Variants in PRKAG2 observed in about 807,000 individuals in gnomAD.
PRKAG2 encodes the protein 5'-AMP-activated protein kinase subunit gamma-2.
A neutral mutation model predicts 69.6 loss-of-function variants in PRKAG2; 26 were observed. The observed-to-expected ratio is 0.37, with a 90% CI of 0.27 to 0.52. The LOEUF (loss-of-function observed/expected upper bound fraction) is 0.52, where lower values mean the gene tolerates loss of function less well. PRKAG2 is among the 20% of genes least tolerant of loss of function. The pLI is 0.90. For missense variants in PRKAG2, 557 were observed against 740.0 expected, an observed-to-expected ratio of 0.75 and a Z score of 2.87; for synonymous variants, 293 against 285.0, an observed-to-expected ratio of 1.03 and a Z score of -0.28.
intron 15 of PRKAG2, chr7:151,559,492 T>C: frequency 1.0e-6 from 1 of 982,876 alleles, no homozygotes; most frequent in Non-Finnish European, 1.2e-6. Flanking sequence ...TTTCATTTTC[T>C]AGTAAATTCC....
chr7:151,562,954 C>CAAA (rs35394134), intron 14 of PRKAG2, among the ~76,000 whole-genome samples: 1 of 113,348 alleles, frequency 8.8e-6, no homozygotes. Context: ...GACTCCGTCT[C>CAAA]AAAAAAAAAA....
At chr7:151,817,763 T>C (rs1011066997) in intron 1 of PRKAG2, among the ~76,000 whole-genome samples, 4 of 152,180 alleles carry the variant, frequency 2.6e-5, no homozygotes, top group Non-Finnish European at 1.5e-5. Flanking sequence ...GATAAGGAAA[T>C]TGAGGCCCAG....
chr7:151,590,519 T>C (rs935982631), intron 6 of PRKAG2, among the ~76,000 whole-genome samples: 2 of 152,168 alleles, frequency 1.3e-5, no homozygotes, highest in Non-Finnish European at 2.9e-5. Flanking sequence ...CGGGAGTTCC[T>C]CCGAGCCTCC....
intron 3 of PRKAG2, among the ~76,000 whole-genome samples, chr7:151,767,365 G>C (rs935794668): frequency 2.6e-5 from 4 of 152,194 alleles, no homozygotes; most frequent in Admixed American, 6.5e-5. Context: ...ATCTCAGCTT[G>C]CTGCAATCTC....
chr7:151,721,406 G>GGGGCCAGGGCCA (rs1797088480), intron 3 of PRKAG2, among the ~76,000 whole-genome samples: 1 of 150,994 alleles, frequency 6.6e-6, no homozygotes, highest in African/African-American at 2.4e-5. Context: ...GGCCAGGGCC[G>GGGGCCAGGGCCA]GGGCCGAGGC....
At chr7:151,853,755 G>C (rs1359749968) in intron 1 of PRKAG2, among the ~76,000 whole-genome samples, 1 of 73,470 alleles carries the variant, frequency 1.4e-5, no homozygotes, top group Non-Finnish European at 2.6e-5. Context: ...GTGAGACTCC[G>C]TCTCAAAAAA....
chr7:151,825,726 CT>C (rs1202589483), intron 1 of PRKAG2, among the ~76,000 whole-genome samples: 17 of 152,212 alleles, frequency 1.1e-4, no homozygotes, highest in South Asian at 8.3e-4. Context: ...GTCCCATCCC[CT>C]GAGCTGGACA....
chr7:151,575,211 C>T (rs1268545289), intron 7 of PRKAG2, among the ~76,000 whole-genome samples: 1 of 152,086 alleles, frequency 6.6e-6, no homozygotes, highest in African/African-American at 2.4e-5. Context: ...TGAGAGAAAA[C>T]TCATTAATTG....
chr7:151,702,779 CAA>C (rs1418030655), intron 3 of PRKAG2, among the ~76,000 whole-genome samples: 2 of 152,178 alleles, frequency 1.3e-5, no homozygotes, highest in African/African-American at 2.4e-5. Context: ...CCTAGGATAG[CAA>C]AGTTTTGGTT....
chr7:151,670,707 T>C (rs1831878031), intron 4 of PRKAG2, among the ~76,000 whole-genome samples: 1 of 152,230 alleles, frequency 6.6e-6, no homozygotes, highest in Non-Finnish European at 1.5e-5. Context: ...AGATATTCAC[T>C]GACACCTTCC....
intron 3 of PRKAG2, among the ~76,000 whole-genome samples, chr7:151,694,334 T>C (rs1301005417): frequency 6.6e-6 from 1 of 152,234 alleles, no homozygotes; most frequent in Non-Finnish European, 1.5e-5. Context: ...AAATTGACCA[T>C]CTTCAAGCGC....
chr7:151,641,699 C>A (rs1393567429), intron 4 of PRKAG2, among the ~76,000 whole-genome samples: 1 of 151,442 alleles, frequency 6.6e-6, no homozygotes, highest in Non-Finnish European at 1.5e-5. Context: ...CACGTGCCAC[C>A]ATACCTGGCT....
intron 5 of PRKAG2, among the ~76,000 whole-genome samples, chr7:151,610,474 T>C (rs1468659989): frequency 6.6e-6 from 1 of 151,878 alleles, no homozygotes; most frequent in Non-Finnish European, 1.5e-5. Flanking sequence ...GTCAAAAGAT[T>C]GAGACCATCC....
In PRKAG2 at chr7:151,669,721, A is replaced by G. The variant is rs1159141213; in HGVS notation, c.684+5699T>C. ...GCCACAGGCGCCTTATTGGACTACC[A>G]CCACCTACACACACACCTGTGCACA... is the stretch of plus-strand genomic sequence containing the variant. On this transcript the variant is annotated intron_variant, in intron 4 of 15. Coordinates refer to ENST00000287878, the MANE Select transcript of PRKAG2 (RefSeq NM_016203.4). Among the ~76,000 whole-genome samples, 5 of 140,124 alleles carry G rather than the reference A, an allele frequency of 3.6e-5. 1 individual carries two copies. Among genetic ancestry groups the G allele is most frequent in the South Asian group, 4.6e-4 (2 of 4,344 alleles). The allele number at this position is 140,124 out of a possible 152,430, so 91.9% of individuals were successfully genotyped here.
chr7:151,827,517 G>T (rs1329658581), intron 1 of PRKAG2, among the ~76,000 whole-genome samples: 1 of 152,118 alleles, frequency 6.6e-6, no homozygotes, highest in Non-Finnish European at 1.5e-5. Flanking sequence ...GGGATTACAG[G>T]TGTGAGCCAC....
Position 151,733,705 on chromosome 7 carries a change from A to ATTT in PRKAG2, c.466+47444_466+47446dup, listed in dbSNP as rs11330944. The stretch of plus-strand genomic sequence containing the variant: ...TGTCCTATTCCCGTGCACAGTCACC[A>ATTT]TTTTTTTTTTTTTGAGGGTCTTGCG... On this transcript the variant is annotated intron_variant, in intron 3 of 15. Coordinates refer to ENST00000287878, the MANE Select transcript of PRKAG2 (RefSeq NM_016203.4). 2.8e-5 allele frequency among the ~76,000 whole-genome samples: 4 copies of ATTT among 143,014 alleles called. 1 individual carries two copies. The highest frequency in any genetic ancestry group is 1.0e-4 in the African/African-American group (4 of 39,584). 93.8% of individuals were successfully genotyped at this position (143,014 alleles called of 152,430 possible).
chr7:151,822,964 C>G (rs1185137944), intron 1 of PRKAG2, among the ~76,000 whole-genome samples: 1 of 152,204 alleles, frequency 6.6e-6, no homozygotes. Flanking sequence ...CCGCCAAGCC[C>G]GGCTCTATCA....
At chr7:151,695,356 A>G (rs1015545690) in intron 3 of PRKAG2, among the ~76,000 whole-genome samples, 3 of 152,116 alleles carry the variant, frequency 2.0e-5, no homozygotes, top group African/African-American at 7.2e-5. Context: ...ATAAACACCC[A>G]TCCACTTCCT....
chr7:151,791,611 G>A (rs1220580071), intron 1 of PRKAG2, among the ~76,000 whole-genome samples: 2 of 152,222 alleles, frequency 1.3e-5, no homozygotes, highest in African/African-American at 4.8e-5. Flanking sequence ...GACCACATGT[G>A]TTGGAGATAA....
Sources: allele counts gnomAD v4.1 joint callset (sites outside exome capture counted in the v4.1 genomes callset), GRCh38; gene constraint gnomAD v4.1.1; transcripts MANE v1.5; gene names NCBI Gene and HGNC (gene_info 2026-07-23, HGNC 2026-07-21).